The following PTPRD variants were observed in gnomAD, a reference collection of about 807,000 sequenced individuals.
PTPRD encodes the protein receptor-type tyrosine-protein phosphatase delta.
A neutral mutation model predicts 214.5 loss-of-function variants in PTPRD; 34 were observed. The ratio of observed to expected loss-of-function variants is 0.16; its 90% CI spans 0.12 to 0.21. The LOEUF (loss-of-function observed/expected upper bound fraction) is 0.21. PTPRD is among the 10% of genes least tolerant of loss of function. The pLI, the probability that PTPRD is intolerant of heterozygous loss-of-function variation, is 1.00. For synonymous variants in PTPRD, 1,128 were observed against 845.7 expected (o/e 1.33, Z -5.79); for missense variants, 2,545 against 2,398.7 (o/e 1.06, Z -1.27).
chr9:8,688,161 C>T (rs1399931459), intron 12 of PTPRD, among the ~76,000 whole-genome samples: 3 of 152,180 alleles, frequency 2.0e-5, no homozygotes, highest in African/African-American at 4.8e-5. Flanking sequence ...TCATAAGGGA[C>T]AGATGTATTT....
chr9:8,921,755 A>G (rs1160203373), intron 11 of PTPRD, among the ~76,000 whole-genome samples: 1 of 152,048 alleles, frequency 6.6e-6, no homozygotes, highest in Non-Finnish European at 1.5e-5. Context: ...TGACCTCCCA[A>G]AGTGTTGGGA....
chr9:8,335,092 C>T (rs965519945), intron 43 of PTPRD, among the ~76,000 whole-genome samples: 1 of 147,096 alleles, frequency 6.8e-6, no homozygotes, highest in African/African-American at 2.4e-5. Flanking sequence ...GGTACCATTC[C>T]TTCTGAAACT....
At chr9:9,329,735 T>C (rs1175599628) in intron 9 of PTPRD, among the ~76,000 whole-genome samples, 2 of 152,236 alleles carry the variant, frequency 1.3e-5, no homozygotes, top group South Asian at 2.1e-4. Flanking sequence ...AGAGGTTTGG[T>C]TCTTCACAGC....
intron 9 of PTPRD, among the ~76,000 whole-genome samples, chr9:9,369,926 C>G (rs12376249): frequency 5.3e-5 from 8 of 151,706 alleles, no homozygotes; most frequent in Non-Finnish European, 4.4e-5. Context: ...GTTGTAGATA[C>G]GCGGCATTAT....
intron 3 of PTPRD, among the ~76,000 whole-genome samples, chr9:10,324,221 A>G (rs2096604449): frequency 2.0e-5 from 3 of 152,086 alleles, no homozygotes; most frequent in African/African-American, 7.2e-5. Context: ...GCAACCCCTT[A>G]TAAGAATAAA....
In PTPRD at chr9:9,455,502, T is replaced by C. The variant is rs146806408; in HGVS notation, c.-236-58020A>G. On this transcript the variant is annotated intron_variant, in intron 8 of 45. Transcript: ENST00000381196. ...GTTAAATAAGAGATCTGTAATCTTA[T>C]CTCAGTACAGCTACTCTAAAAGTCT... Among the ~76,000 whole-genome samples the C allele has an allele frequency of 5.2e-3, 789 of 151,730 alleles. 6 individuals carry two copies. Among genetic ancestry groups the C allele is most frequent in the African/African-American group, 0.012 (512 of 41,508 alleles).
intron 10 of PTPRD, among the ~76,000 whole-genome samples, chr9:9,088,824 G>C (rs1017690908): frequency 2.0e-5 from 3 of 152,058 alleles, no homozygotes; most frequent in Non-Finnish European, 2.9e-5. Context: ...ACTTGACCCT[G>C]TCACTTCATA....
rs564677180 is a variant in PTPRD, at chr9:10,569,531, C to G, written c.-600+42867G>C. The stretch of plus-strand genomic sequence containing the variant: ...TCTCTCTCTCTCTCTCTCTCTCTCT[C>G]TGTGTGTATATATATATACAGGCTT... On this transcript the variant is annotated intron_variant, in intron 2 of 45. Coordinates refer to ENST00000381196, the MANE Select transcript of PTPRD (RefSeq NM_002839.4). Among the ~76,000 whole-genome samples, 618 of 149,364 alleles carry G rather than the reference C, an allele frequency of 4.1e-3. 1 individual carries two copies. The highest frequency in any genetic ancestry group is 0.01 in the African/African-American group (420 of 40,712).
intron 5 of PTPRD, among the ~76,000 whole-genome samples, chr9:9,865,468 T>A (rs905621152): frequency 2.6e-5 from 4 of 152,178 alleles, no homozygotes; most frequent in African/African-American, 9.7e-5. Flanking sequence ...CTTTGCCATG[T>A]GACACTCTGT....
At chr9:8,947,963 C>T (rs1363162975) in intron 11 of PTPRD, among the ~76,000 whole-genome samples, 1 of 151,406 alleles carries the variant, frequency 6.6e-6, no homozygotes, top group Non-Finnish European at 1.5e-5. Context: ...TGTTGCCTAA[C>T]ATCATACACT....
intron 11 of PTPRD, among the ~76,000 whole-genome samples, chr9:8,936,605 C>A (rs1158213754): frequency 1.3e-5 from 2 of 151,990 alleles, no homozygotes; most frequent in African/African-American, 2.4e-5. Context: ...CTGGAAACTT[C>A]AACTGACTAT....
intron 10 of PTPRD, among the ~76,000 whole-genome samples, chr9:9,041,493 G>A (rs1187028958): frequency 6.6e-6 from 1 of 152,132 alleles, no homozygotes; most frequent in Non-Finnish European, 1.5e-5. Context: ...GGGTTAGTTT[G>A]CTAAGGATAA....
chr9:10,143,950 A>G (rs1368574729), intron 3 of PTPRD, among the ~76,000 whole-genome samples: 4 of 152,130 alleles, frequency 2.6e-5, no homozygotes, highest in Non-Finnish European at 4.4e-5. Flanking sequence ...CCTATTAGGT[A>G]CAATGCTCAC....
At chr9:10,107,167 A>G (rs73641852) in intron 3 of PTPRD, among the ~76,000 whole-genome samples, 1,675 of 152,140 alleles carry the variant, frequency 0.011, 22 homozygotes, top group African/African-American at 0.038. Context: ...AACAAAAATG[A>G]AAGTGGACTT....
At chr9:9,837,858 G>A (rs1027130275) in intron 5 of PTPRD, among the ~76,000 whole-genome samples, 3 of 152,034 alleles carry the variant, frequency 2.0e-5, no homozygotes, top group Non-Finnish European at 4.4e-5. Context: ...ATGTTGGTGC[G>A]CTGCACCCAT....
intron 5 of PTPRD, among the ~76,000 whole-genome samples, chr9:9,854,001 G>A (rs1232409603): frequency 6.6e-6 from 1 of 152,090 alleles, no homozygotes; most frequent in Non-Finnish European, 1.5e-5. Flanking sequence ...TCTTTGTGAT[G>A]AGAACATTCA....
intron 4 of PTPRD, among the ~76,000 whole-genome samples, chr9:9,939,626 G>C (rs774343676): frequency 6.6e-6 from 1 of 152,122 alleles, no homozygotes; most frequent in African/African-American, 2.4e-5. Context: ...TTAATTGCTT[G>C]CTTGGATCAT....
intron 10 of PTPRD, among the ~76,000 whole-genome samples, chr9:9,051,280 G>A (rs569695711): frequency 6.6e-6 from 1 of 152,044 alleles, no homozygotes; most frequent in East Asian, 1.9e-4. Flanking sequence ...AGTTTTGTTT[G>A]TTTTTAAACC....
intron 4 of PTPRD, among the ~76,000 whole-genome samples, chr9:9,952,752 G>A (rs897369244): frequency 6.6e-6 from 1 of 152,134 alleles, no homozygotes; most frequent in East Asian, 1.9e-4. Context: ...TTTAAACACT[G>A]AAGATAGAGT....
Sources: allele counts gnomAD v4.1 joint callset (sites outside exome capture counted in the v4.1 genomes callset), GRCh38; gene constraint gnomAD v4.1.1; transcripts MANE v1.5; gene names NCBI Gene and HGNC (gene_info 2026-07-23, HGNC 2026-07-21).